The following GNA14 variants were observed in gnomAD, a reference collection of about 807,000 sequenced individuals.
The protein encoded by GNA14 is guanine nucleotide-binding protein subunit alpha-14.
GNA14 carries 50 observed loss-of-function variants against 42.0 expected under a neutral mutation model. The observed-to-expected ratio is 1.19, with a 90% CI of 0.95 to 1.51. The LOEUF (loss-of-function observed/expected upper bound fraction) is 1.51, where lower values mean the gene tolerates loss of function less well. Ranked by LOEUF, GNA14 falls within the 40% of genes most tolerant of loss-of-function variation. The pLI is 0.00. For missense variants in GNA14, 473 were observed against 446.2 expected, an observed-to-expected ratio of 1.06 and a Z score of -0.54; for synonymous variants, 173 against 163.1, an observed-to-expected ratio of 1.06 and a Z score of -0.46.
intron 2 of GNA14, among the ~76,000 whole-genome samples, chr9:77,435,529 C>T (rs1423663214): frequency 6.6e-6 from 1 of 152,038 alleles, no homozygotes; most frequent in Non-Finnish European, 1.5e-5. Flanking sequence ...GCACTACTCT[C>T]CCCACACCAC....
At chr9:77,610,074 G>C (rs1170385943) in intron 1 of GNA14, among the ~76,000 whole-genome samples, 1 of 152,182 alleles carries the variant, frequency 6.6e-6, no homozygotes, top group Non-Finnish European at 1.5e-5. Flanking sequence ...TATTACCTGA[G>C]AGGCTTTATC....
At chr9:77,646,437 C>A (rs1309114105) in intron 1 of GNA14, among the ~76,000 whole-genome samples, 4 of 108,114 alleles carry the variant, frequency 3.7e-5, no homozygotes, top group African/African-American at 6.8e-5. Flanking sequence ...GAGGGGCACA[C>A]CCCCCCCCAA....
Position 77,423,945 on chromosome 9 carries a change from TC to T in GNA14, c.*33del. ...TAAAACAAGGAGTTTGCAAATCACA[TC>T]TTCTGTTATAGGGGAGGAGTGGGCA... On this transcript the variant is annotated 3_prime_UTR_variant, in exon 7 of 7. Transcript: ENST00000341700. 6.8e-7 allele frequency: 1 copy of T among 1,465,804 alleles called. No individual in the cohort carries two copies. The highest frequency in any genetic ancestry group is 9.2e-7 in the Non-Finnish European group (1 of 1,083,606). The allele number at this position is 1,465,804 out of a possible 1,614,324, so 90.8% of individuals were successfully genotyped here.
intron 2 of GNA14, among the ~76,000 whole-genome samples, chr9:77,515,254 C>T (rs560040521): frequency 2.0e-5 from 3 of 152,308 alleles, no homozygotes; most frequent in East Asian, 1.9e-4. Flanking sequence ...AGGCATAGAC[C>T]TTGGCCTTCA....
In GNA14 at chr9:77,471,907, A is replaced by G. The variant is rs79934724; in HGVS notation, c.310-37385T>C. Among the ~76,000 whole-genome samples, 436 of 152,358 alleles carry G rather than the reference A, an allele frequency of 2.9e-3. 5 individuals are homozygous for G. The highest frequency in any genetic ancestry group is 9.8e-3 in the African/African-American group (408 of 41,578). Reference sequence around the variant, plus strand: ...TATGAGCAGGTATAAACAAATATACAAAAGATAAAATATGTATTAACTGCA... The same window carrying G: ...TATGAGCAGGTATAAACAAATATACGAAAGATAAAATATGTATTAACTGCA... On this transcript the variant is annotated intron_variant, in intron 2 of 6. Coordinates refer to ENST00000341700, the MANE Select transcript of GNA14 (RefSeq NM_004297.4).
chr9:77,569,801 C>T (rs138349489), intron 1 of GNA14, among the ~76,000 whole-genome samples: 175 of 150,166 alleles, frequency 1.2e-3, no homozygotes, highest in African/African-American at 4.1e-3. Flanking sequence ...GAGTTTCGCT[C>T]TTTCACCCAG....
chr9:77,629,069 C>T (rs1467626749), intron 1 of GNA14, among the ~76,000 whole-genome samples: 1 of 152,002 alleles, frequency 6.6e-6, no homozygotes, highest in Non-Finnish European at 1.5e-5. Flanking sequence ...AAAAAGTGGC[C>T]ACAGGATATG....
chr9:77,636,059 C>T (rs1042804623), intron 1 of GNA14, among the ~76,000 whole-genome samples: 30 of 152,166 alleles, frequency 2.0e-4, no homozygotes, highest in African/African-American at 7.2e-4. Flanking sequence ...TTGATGAAGA[C>T]TACTAATGGC....
intron 2 of GNA14, among the ~76,000 whole-genome samples, chr9:77,451,922 T>C (rs558572220): frequency 4.6e-5 from 7 of 152,304 alleles, no homozygotes; most frequent in Non-Finnish European, 7.3e-5. Context: ...CACAGGTAGG[T>C]GGTGAGTGAC....
intron 1 of GNA14, among the ~76,000 whole-genome samples, chr9:77,624,933 A>C (rs962224402): frequency 6.6e-6 from 1 of 152,090 alleles, no homozygotes; most frequent in African/African-American, 2.4e-5. Flanking sequence ...TAGGCTTCAG[A>C]AGGTGGGTAA....
intron 2 of GNA14, among the ~76,000 whole-genome samples, chr9:77,470,383 A>T (rs543520511): frequency 1.3e-5 from 2 of 152,344 alleles, no homozygotes; most frequent in East Asian, 3.9e-4. Flanking sequence ...GGTGACTATA[A>T]CAGCACAGGT....
rs1283508200 is a variant in GNA14, at chr9:77,640,831, C to T, written c.124+6839G>A. ...CAGCTGGGGAAGAATTGGTACAAGA[C>T]GAGCCTGGGGCATGTTATGCCAGAA... On this transcript the variant is annotated intron_variant, in intron 1 of 6. Transcript: ENST00000341700. Among the ~76,000 whole-genome samples, 5 of 124,268 alleles carry T rather than the reference C, an allele frequency of 4.0e-5. No homozygotes were observed. In the South Asian group the frequency reaches 7.6e-4, roughly 19 times the overall value. The allele number at this position is 124,268 out of a possible 152,430, so 81.5% of individuals were successfully genotyped here. A position where few individuals can be genotyped will look rare whatever the true frequency, so the allele number is the denominator to read the frequency against.
chr9:77,542,395 A>G (rs1276310371), intron 1 of GNA14, among the ~76,000 whole-genome samples: 1 of 152,196 alleles, frequency 6.6e-6, no homozygotes, highest in African/African-American at 2.4e-5. Context: ...AAGATGCCAG[A>G]TGGCCAGTCT....
Position 77,423,900 on chromosome 9 carries a change from A to G in GNA14, c.*79T>C. ...TCCTGGCATGGGGCTGGCTCTGGTG[A>G]TGTCAGAAGCACTTGCAAATAAAAC... is the stretch of plus-strand genomic sequence containing the variant. On this transcript the variant is annotated 3_prime_UTR_variant, in exon 7 of 7. Coordinates refer to ENST00000341700, the MANE Select transcript of GNA14 (RefSeq NM_004297.4). 1 of 990,522 alleles carries G rather than the reference A, an allele frequency of 1.0e-6. No homozygotes were observed. The highest frequency in any genetic ancestry group is 1.5e-6 in the Non-Finnish European group (1 of 671,132). 61.4% of individuals were successfully genotyped at this position (990,522 alleles called of 1,614,324 possible). A position where few individuals can be genotyped will look rare whatever the true frequency, so the allele number is the denominator to read the frequency against.
At chr9:77,519,621 T>C (rs756976353) in intron 2 of GNA14, among the ~76,000 whole-genome samples, 74 of 152,028 alleles carry the variant, frequency 4.9e-4, no homozygotes, top group Non-Finnish European at 9.1e-4. Context: ...ACACAGAGTA[T>C]GAAATAAGAG....
At position 77,431,688 on chromosome 9, in the gene GNA14, C is replaced by T. The variant is rs910630701; in HGVS notation, c.465-239G>A. The T allele has an allele frequency of 6.5e-5, 26 of 401,638 alleles. No homozygotes were observed. The South Asian group carries it at 1.1e-3, about 17-fold the overall frequency. The allele number at this position is 401,638 out of a possible 1,614,324, so 24.9% of individuals were successfully genotyped here. ...CTTCTGGGACATCTGCAGAGCACTCCGTCTCTTCCTCCTGGGTTCTAAGCT... is the reference window on the plus strand; with the variant it reads ...CTTCTGGGACATCTGCAGAGCACTCTGTCTCTTCCTCCTGGGTTCTAAGCT... On this transcript the variant is annotated intron_variant, in intron 3 of 6. Coordinates refer to ENST00000341700, the MANE Select transcript of GNA14 (RefSeq NM_004297.4).
chr9:77,627,962 G>T (rs996657721), intron 1 of GNA14, among the ~76,000 whole-genome samples: 1 of 152,180 alleles, frequency 6.6e-6, no homozygotes, highest in African/African-American at 2.4e-5. Context: ...GGCCCTGTTT[G>T]CAGATGACAT....
intron 1 of GNA14, among the ~76,000 whole-genome samples, chr9:77,590,313 G>T (rs1823371166): frequency 6.6e-6 from 1 of 152,132 alleles, no homozygotes; most frequent in East Asian, 1.9e-4. Flanking sequence ...AAGTTTCTAG[G>T]CTAGGGCTTT....
chr9:77,551,003 G>C (rs1461255984), intron 1 of GNA14, among the ~76,000 whole-genome samples: 1 of 152,186 alleles, frequency 6.6e-6, no homozygotes, highest in Non-Finnish European at 1.5e-5. Flanking sequence ...TCCTGATGAG[G>C]AATATCTTCA....
Sources: allele counts gnomAD v4.1 joint callset (sites outside exome capture counted in the v4.1 genomes callset), GRCh38; gene constraint gnomAD v4.1.1; transcripts MANE v1.5; gene names NCBI Gene and HGNC (gene_info 2026-07-23, HGNC 2026-07-21).